The following ARHGAP15 variants were observed in gnomAD, a reference collection of about 807,000 sequenced individuals.
The protein encoded by ARHGAP15 is rho GTPase-activating protein 15.
Under a neutral mutation model 63.7 loss-of-function variants are expected in ARHGAP15, and 51 were observed. The observed-to-expected ratio is 0.80, with a 90% CI of 0.64 to 1.01. The LOEUF (loss-of-function observed/expected upper bound fraction) is 1.01. ARHGAP15 is among the 50% of genes least tolerant of loss of function. ARHGAP15 has a pLI of 0.00. For missense variants in ARHGAP15, 560 were observed against 564.6 expected (o/e 0.99, Z 0.08); for synonymous variants, 191 against 193.8 (o/e 0.99, Z 0.12).
At chr2:143,526,242 C>T (rs1237966123) in intron 10 of ARHGAP15, among the ~76,000 whole-genome samples, 2 of 152,028 alleles carry the variant, frequency 1.3e-5, no homozygotes, top group African/African-American at 2.4e-5. Context: ...AATAAACGTG[C>T]AGTTCAACAA....
At chr2:143,418,698 T>G (rs138404273) in intron 6 of ARHGAP15, among the ~76,000 whole-genome samples, 2 of 152,244 alleles carry the variant, frequency 1.3e-5, no homozygotes, top group East Asian at 3.9e-4. Flanking sequence ...AATAACACAT[T>G]TATATGTAAA....
chr2:143,349,055 A>G (rs1484376137), intron 6 of ARHGAP15, among the ~76,000 whole-genome samples: 1 of 152,238 alleles, frequency 6.6e-6, no homozygotes, highest in Non-Finnish European at 1.5e-5. Context: ...ACATACAAAT[A>G]TAACATGTCA....
intron 12 of ARHGAP15, among the ~76,000 whole-genome samples, chr2:143,666,282 G>A (rs1682178169): frequency 6.7e-6 from 1 of 149,078 alleles, no homozygotes; most frequent in East Asian, 2.0e-4. Flanking sequence ...ACAACTATCT[G>A]ATCTTTGACA....
In ARHGAP15 at chr2:143,420,082, T is replaced by G. The variant is rs1688854542; in HGVS notation, c.475-15519T>G. Among the ~76,000 whole-genome samples, 6 of 152,226 alleles carry G rather than the reference T, an allele frequency of 3.9e-5. No homozygotes were observed. In the South Asian group the frequency reaches 1.2e-3, roughly 32 times the overall value. On this transcript the variant is annotated intron_variant, in intron 6 of 13. Transcript: ENST00000295095. ...ATTGACAGTACTGCCGATATAAGTT[T>G]TAAGGTCAGGTCAGGATACGGTTAC...
chr2:143,153,824 CTTCTTCTTCTTCT>C (rs1558779312), intron 1 of ARHGAP15, among the ~76,000 whole-genome samples: 24 of 88,220 alleles, frequency 2.7e-4, no homozygotes, highest in Admixed American at 5.4e-4. Flanking sequence ...TCTTCTTCTT[CTTCTTCTTCTTCT>C]TCTTCTTCCT....
intron 12 of ARHGAP15, among the ~76,000 whole-genome samples, chr2:143,687,788 T>C (rs1410323432): frequency 6.6e-6 from 1 of 152,200 alleles, no homozygotes; most frequent in Non-Finnish European, 1.5e-5. Context: ...AAACTCATTA[T>C]TGAAAATGTG....
chr2:143,656,688 T>G (rs1457063152), intron 12 of ARHGAP15, among the ~76,000 whole-genome samples: 1 of 152,210 alleles, frequency 6.6e-6, no homozygotes, highest in Non-Finnish European at 1.5e-5. Context: ...CTTTTGAACT[T>G]CACTCTGGGG....
At chr2:143,438,571 T>G (rs1410718086) in intron 8 of ARHGAP15, among the ~76,000 whole-genome samples, 3 of 152,204 alleles carry the variant, frequency 2.0e-5, no homozygotes, top group Admixed American at 6.5e-5. Context: ...TAGCCAGTTG[T>G]GCTAAGTTGG....
intron 2 of ARHGAP15, among the ~76,000 whole-genome samples, chr2:143,175,095 T>C (rs1322700547): frequency 6.6e-6 from 1 of 152,152 alleles, no homozygotes; most frequent in Non-Finnish European, 1.5e-5. Context: ...TGGTGGACTA[T>C]GCATACATAG....
intron 12 of ARHGAP15, among the ~76,000 whole-genome samples, chr2:143,670,713 T>TCATCAGGTCCAC (rs1312088400): frequency 1.3e-5 from 2 of 152,178 alleles, no homozygotes; most frequent in Non-Finnish European, 2.9e-5. Flanking sequence ...TCTTATTCCA[T>TCATCAGGTCCAC]CATCAGGTCC....
chr2:143,554,967 G>A (rs1695726718), intron 10 of ARHGAP15, among the ~76,000 whole-genome samples: 1 of 152,148 alleles, frequency 6.6e-6, no homozygotes, highest in South Asian at 2.1e-4. Context: ...TTCTCAGGAA[G>A]AGACAGAGTC....
chr2:143,593,369 A>G (rs891941997), intron 11 of ARHGAP15: 1 of 152,242 alleles, frequency 6.6e-6, no homozygotes, highest in Non-Finnish European at 1.5e-5. Flanking sequence ...GTGGCAAAGT[A>G]CAATAATTTA....
chr2:143,656,567 A>G (rs1217372739), intron 12 of ARHGAP15, among the ~76,000 whole-genome samples: 2 of 152,224 alleles, frequency 1.3e-5, no homozygotes, highest in African/African-American at 2.4e-5. Context: ...GGGTAAAGAA[A>G]TGACTGTTTC....
chr2:143,315,025 G>A (rs1317375727), intron 6 of ARHGAP15, among the ~76,000 whole-genome samples: 1 of 152,092 alleles, frequency 6.6e-6, no homozygotes, highest in East Asian at 1.9e-4. Context: ...ATGTATGTAT[G>A]TGGGTATCCA....
intron 10 of ARHGAP15, among the ~76,000 whole-genome samples, chr2:143,541,175 C>T (rs1315035675): frequency 6.6e-6 from 1 of 152,198 alleles, no homozygotes; most frequent in African/African-American, 2.4e-5. Context: ...GCATCGGTTA[C>T]TGAGGCTTGT....
intron 2 of ARHGAP15, among the ~76,000 whole-genome samples, chr2:143,186,153 G>C (rs546399794): frequency 2.0e-5 from 3 of 152,212 alleles, no homozygotes; most frequent in Non-Finnish European, 4.4e-5. Context: ...TAGTGGTAAA[G>C]CCACAAATAA....
At chr2:143,218,673 G>A (rs540320982) in intron 4 of ARHGAP15, among the ~76,000 whole-genome samples, 86 of 152,184 alleles carry the variant, frequency 5.7e-4, no homozygotes, top group African/African-American at 1.9e-3. Flanking sequence ...AGAGACATGC[G>A]TCTCTTAATG....
At chr2:143,651,345 G>T (rs1681152990) in intron 12 of ARHGAP15, among the ~76,000 whole-genome samples, 1 of 151,710 alleles carries the variant, frequency 6.6e-6, no homozygotes, top group Non-Finnish European at 1.5e-5. Flanking sequence ...TTTTTTATCT[G>T]GTTTATTTTA....
chr2:143,284,243 A>T (rs557739862), intron 6 of ARHGAP15, among the ~76,000 whole-genome samples: 1 of 152,346 alleles, frequency 6.6e-6, no homozygotes, highest in East Asian at 1.9e-4. Context: ...GCTCAGCTGT[A>T]TGGACTTGGG....
Sources: gnomAD v4.1 joint callset for allele counts (sites outside exome capture counted in the v4.1 genomes callset) on GRCh38, gnomAD v4.1.1 for gene constraint, MANE v1.5 for transcripts, NCBI Gene and HGNC (gene_info 2026-07-23, HGNC 2026-07-21) for gene names.